Variants in ABAT observed in about 807,000 individuals in gnomAD.
The protein encoded by ABAT is 4-aminobutyrate aminotransferase, also known as 4-aminobutyrate aminotransferase, mitochondrial.
In ABAT, 45 loss-of-function variants were observed where a neutral mutation model predicts 64.6. The observed-to-expected ratio is 0.70, with a 90% CI of 0.55 to 0.89. The LOEUF (loss-of-function observed/expected upper bound fraction) is 0.89, where lower values mean the gene tolerates loss of function less well. ABAT is among the 40% of genes least tolerant of loss of function. The pLI is 0.00. For missense variants in ABAT, 633 were observed against 658.4 expected (o/e 0.96, Z 0.42); for synonymous variants, 297 against 250.5 (o/e 1.19, Z -1.75).
intron 1 of ABAT, among the ~76,000 whole-genome samples, chr16:8,687,107 G>A (rs933258185): frequency 6.6e-6 from 1 of 152,140 alleles, no homozygotes; most frequent in Non-Finnish European, 1.5e-5. Context: ...GAGATGGTGG[G>A]TGCATTGTGG....
chr16:8,779,665 G>C, intron 15 of ABAT, 75 bp downstream of exon 15: 1 of 1,239,108 alleles, frequency 8.1e-7, no homozygotes, highest in South Asian at 1.2e-5. Context: ...ATGTTGCTAG[G>C]TACTCAGCAA....
chr16:8,733,386 G>A (rs956558870), intron 1 of ABAT, among the ~76,000 whole-genome samples: 20 of 151,442 alleles, frequency 1.3e-4, no homozygotes, highest in Admixed American at 1.2e-3. Flanking sequence ...CATCCCAGAC[G>A]ATGGGCGGCC....
chr16:8,768,510 C>T (rs2060011356), intron 10 of ABAT, among the ~76,000 whole-genome samples: 1 of 152,174 alleles, frequency 6.6e-6, no homozygotes, highest in Non-Finnish European at 1.5e-5. Context: ...GCCTGCGCTG[C>T]ATCTGTGATT....
In ABAT at chr16:8,764,965, G is replaced by C; in HGVS notation, c.540+135G>C. On this transcript the variant is annotated intron_variant, in intron 8 of 15. Coordinates refer to ENST00000268251, the MANE Select transcript of ABAT (RefSeq NM_020686.6). The surrounding 1 kb of genome is among the most constrained non-coding windows in gnomAD (Gnocchi z 4.2). ...AGTACCAGGGTTAAAATACAGGGAG[G>C]GCCACTGCTGGATGGTACTTTGAGA... is the stretch of plus-strand genomic sequence containing the variant. 1 of 826,552 alleles carries C rather than the reference G, an allele frequency of 1.2e-6. No individual in the cohort carries two copies. The highest frequency in any genetic ancestry group is 2.0e-6 in the Non-Finnish European group (1 of 497,330). The allele number at this position is 826,552 out of a possible 1,614,324, so 51.2% of individuals were successfully genotyped here.
In ABAT at chr16:8,781,223, T is replaced by A. The variant is rs778506893; in HGVS notation, c.1382-86T>A. On this transcript the variant is annotated intron_variant, in intron 15 of 15. Coordinates refer to ENST00000268251, the MANE Select transcript of ABAT (RefSeq NM_020686.6). This position sits in a 1 kb window ranked among gnomAD's most constrained non-coding sequence, Gnocchi z 4.5. Reference sequence around the variant, plus strand: ...GATGGATGGATGGATGGATGAGCGTTGCCAACAGGCATCACTTTCCCCCCA... The same window carrying A: ...GATGGATGGATGGATGGATGAGCGTAGCCAACAGGCATCACTTTCCCCCCA... The A allele has an allele frequency of 6.3e-7, 1 of 1,596,574 alleles. No homozygotes were observed. The highest frequency in any genetic ancestry group is 1.1e-5 in the South Asian group (1 of 90,654).
chr16:8,712,456 T>G (rs2058098227), intron 1 of ABAT, among the ~76,000 whole-genome samples: 1 of 152,192 alleles, frequency 6.6e-6, no homozygotes. Flanking sequence ...GGCTTTGCTG[T>G]GCATTGGAAA....
At chr16:8,740,416 C>T (rs1044306359) in intron 2 of ABAT, among the ~76,000 whole-genome samples, 2 of 152,208 alleles carry the variant, frequency 1.3e-5, no homozygotes, top group African/African-American at 2.4e-5. Context: ...GGACGATCTA[C>T]TGGCAGTCCC....
At chr16:8,765,545 G>C (rs2059919948) in intron 8 of ABAT, among the ~76,000 whole-genome samples, 1 of 151,488 alleles carries the variant, frequency 6.6e-6, no homozygotes, top group African/African-American at 2.4e-5. Flanking sequence ...CCTGCCTGTT[G>C]TCCCAGCTAC....
In ABAT at chr16:8,772,809, AAAG is replaced by A. The variant is rs748632743; in HGVS notation, c.854_856del (p.Lys285del). 7.4e-6 allele frequency: 12 copies of A among 1,614,008 alleles called. No homozygotes were observed. The East Asian group carries it at 8.9e-5, about 12-fold the overall frequency. ...AGGATCTGATTGTGAAATATCGGAA[AAAG>A]AAGAAGACGGTGGCCGGGATCATCG... On this transcript the variant is annotated inframe_deletion, in exon 12 of 16. Transcript: ENST00000268251.
intron 1 of ABAT, among the ~76,000 whole-genome samples, chr16:8,679,190 C>G (rs1028178244): frequency 2.0e-5 from 3 of 152,108 alleles, no homozygotes; most frequent in African/African-American, 7.2e-5. Flanking sequence ...AATAATTAAT[C>G]ATAAGATAAA....
intron 1 of ABAT, among the ~76,000 whole-genome samples, chr16:8,700,068 A>C (rs1484467889): frequency 6.6e-6 from 1 of 151,804 alleles, no homozygotes; most frequent in African/African-American, 2.4e-5. Flanking sequence ...TGATCCACCC[A>C]CCTCTGCCTC....
rs2270289 is a variant in ABAT, at chr16:8,781,674, C to T, written c.*244C>T. On this transcript the variant is annotated 3_prime_UTR_variant, in exon 16 of 16. Coordinates refer to ENST00000268251, the MANE Select transcript of ABAT (RefSeq NM_020686.6). The surrounding 1 kb of genome is among the most constrained non-coding windows in gnomAD (Gnocchi z 4.5). ...TTAAGCCCAGAGATCCTGCTTGAGC[C>T]CTGGACTCATCTTGGGAAGGGCCAT... The T allele has an allele frequency of 1.7e-6, 1 of 576,900 alleles. No homozygotes were observed. Among genetic ancestry groups the T allele is most frequent in the Non-Finnish European group, 3.1e-6 (1 of 322,376 alleles). 35.7% of individuals were successfully genotyped at this position (576,900 alleles called of 1,614,324 possible).
At position 8,691,309 on chromosome 16, in the gene ABAT, G is replaced by C. The variant is rs999013860; in HGVS notation, c.-42+16598G>C. 2.3e-4 allele frequency among the ~76,000 whole-genome samples: 35 copies of C among 152,232 alleles called. 1 individual carries two copies. The highest frequency in any genetic ancestry group is 1.9e-3 in the Admixed American group (29 of 15,282). ...TGCACCAGGTCCTCAGAAACCAAGT[G>C]AGGGAGTTGGGATTTGAACCCCTTC... On this transcript the variant is annotated intron_variant, in intron 1 of 15. Transcript: ENST00000268251.
chr16:8,682,186 TACACACACACACAC>T (rs55951090), intron 1 of ABAT, among the ~76,000 whole-genome samples: 1 of 131,456 alleles, frequency 7.6e-6, no homozygotes, highest in Non-Finnish European at 1.6e-5. Context: ...CCTAACAGGA[TACACACACACACAC>T]ACACACACAC....
Position 8,760,912 on chromosome 16 carries a change from A to G in ABAT, c.366+3106A>G, listed in dbSNP as rs890123204. 1.1e-4 allele frequency among the ~76,000 whole-genome samples: 17 copies of G among 151,970 alleles called. 1 individual carries two copies. Among genetic ancestry groups the G allele is most frequent in the African/African-American group, 2.2e-4 (9 of 41,394 alleles). The stretch of plus-strand genomic sequence containing the variant: ...AACATATCGAGACCCTGTCTCTACG[A>G]TAACTGTTTTTAAAAAATTAGCCAG... On this transcript the variant is annotated intron_variant, in intron 6 of 15. Transcript: ENST00000268251.
intron 6 of ABAT, among the ~76,000 whole-genome samples, chr16:8,763,479 G>A (rs148478682): frequency 1.3e-5 from 2 of 152,220 alleles, no homozygotes; most frequent in South Asian, 2.1e-4. Context: ...TGCCCTTAGG[G>A]TGTCCTATAC....
chr16:8,747,664 A>G (rs1378657083), intron 3 of ABAT, among the ~76,000 whole-genome samples: 2 of 152,188 alleles, frequency 1.3e-5, no homozygotes, highest in Admixed American at 1.3e-4. Flanking sequence ...GTTTCTGTAT[A>G]GGATAAAGTA....
chr16:8,738,602 T>G, intron 2 of ABAT: 1 of 346,364 alleles, frequency 2.9e-6, no homozygotes, highest in Non-Finnish European at 5.4e-6. Flanking sequence ...TTTTTCTTTT[T>G]TGTTTTTGTT....
chr16:8,773,566 A>T (rs7197673), intron 12 of ABAT, among the ~76,000 whole-genome samples: 15,080 of 152,252 alleles, frequency 0.099, 1,265 homozygotes, highest in African/African-American at 0.23. Context: ...TTGTATTGGG[A>T]ATATTCCAAA....
Sources: allele counts gnomAD v4.1 joint callset (sites outside exome capture counted in the v4.1 genomes callset), GRCh38; gene constraint gnomAD v4.1.1; non-coding constraint Gnocchi (gnomAD v3.1); transcripts MANE v1.5; gene names NCBI Gene and HGNC (gene_info 2026-07-23, HGNC 2026-07-21).